Variants in ESRRG observed in about 807,000 individuals in gnomAD.
ESRRG encodes the protein estrogen-related receptor gamma.
ESRRG carries 13 observed loss-of-function variants against 44.0 expected under a neutral mutation model. That is an observed-to-expected ratio of 0.30 (90% CI 0.19 to 0.47). The LOEUF (loss-of-function observed/expected upper bound fraction) is 0.47. ESRRG is among the 20% of genes least tolerant of loss of function. ESRRG has a pLI of 1.00. For missense variants in ESRRG, 395 were observed against 580.6 expected (o/e 0.68, Z 3.29); for synonymous variants, 215 against 214.6 (o/e 1.00, Z -0.02).
chr1:216,954,596 T>C (rs192288085), intron 1 of ESRRG, among the ~76,000 whole-genome samples: 1 of 152,242 alleles, frequency 6.6e-6, no homozygotes, highest in African/African-American at 2.4e-5. Flanking sequence ...ATAAAATGAG[T>C]CAAAGATCAT....
chr1:216,733,644 T>C (rs777580059), intron 2 of ESRRG, among the ~76,000 whole-genome samples: 2 of 152,154 alleles, frequency 1.3e-5, no homozygotes, highest in Admixed American at 6.5e-5. Flanking sequence ...CTTGTAATAC[T>C]GGCTCTCATT....
At chr1:216,522,255 CTTTTTTTTTTTTTTT>C (rs71161437) in intron 5 of ESRRG, among the ~76,000 whole-genome samples, 2 of 29,262 alleles carry the variant, frequency 6.8e-5, no homozygotes, top group African/African-American at 3.0e-4. Flanking sequence ...AACAGCTCTC[CTTTTTTTTTTTTTTT>C]TTTTTTTTTT....
At chr1:217,106,222 T>C (rs78588626) in intron 1 of ESRRG, among the ~76,000 whole-genome samples, 2,548 of 152,276 alleles carry the variant, frequency 0.017, 76 homozygotes, top group African/African-American at 0.059. Context: ...TTGTAAGTAA[T>C]GGTAGTTAAA....
chr1:217,135,740 A>C (rs922184481), intron 1 of ESRRG, among the ~76,000 whole-genome samples: 1 of 152,206 alleles, frequency 6.6e-6, no homozygotes, highest in Non-Finnish European at 1.5e-5. Flanking sequence ...AATAAAACAA[A>C]ACAAATCACG....
At chr1:216,914,486 A>C (rs551597256) in intron 2 of ESRRG, among the ~76,000 whole-genome samples, 15 of 152,312 alleles carry the variant, frequency 9.8e-5, no homozygotes, top group African/African-American at 3.6e-4. Flanking sequence ...AACTCTCTAA[A>C]AATTTTCAGC....
chr1:216,796,938 CT>C (rs1339085565), intron 2 of ESRRG, among the ~76,000 whole-genome samples: 2 of 152,154 alleles, frequency 1.3e-5, no homozygotes, highest in Non-Finnish European at 2.9e-5. Flanking sequence ...GTTGCCCAGG[CT>C]GGAGTGCAGT....
At chr1:217,012,939 T>C (rs781253610) in intron 1 of ESRRG, among the ~76,000 whole-genome samples, 5 of 152,178 alleles carry the variant, frequency 3.3e-5, no homozygotes, top group Non-Finnish European at 7.4e-5. Context: ...TGGTTCCTTC[T>C]GAGGGTTGTG....
At chr1:216,693,041 T>G (rs1384983118) in intron 1 of ESRRG, among the ~76,000 whole-genome samples, 1 of 152,252 alleles carries the variant, frequency 6.6e-6, no homozygotes, top group Non-Finnish European at 1.5e-5. Flanking sequence ...TAAGTCCCCA[T>G]GCTAATCAGC....
chr1:217,034,080 C>G (rs1377758190), intron 1 of ESRRG, among the ~76,000 whole-genome samples: 1 of 152,098 alleles, frequency 6.6e-6, no homozygotes, highest in Non-Finnish European at 1.5e-5. Flanking sequence ...TTCTGAAGAG[C>G]CAGACAAGTT....
chr1:216,811,631 A>C (rs1356309529), intron 2 of ESRRG, among the ~76,000 whole-genome samples: 1 of 152,210 alleles, frequency 6.6e-6, no homozygotes, highest in Non-Finnish European at 1.5e-5. Flanking sequence ...TTTTACTATT[A>C]AGTCAGCAGA....
intron 1 of ESRRG, among the ~76,000 whole-genome samples, chr1:216,699,222 G>A (rs1178155811): frequency 6.6e-6 from 1 of 152,190 alleles, no homozygotes; most frequent in Non-Finnish European, 1.5e-5. Flanking sequence ...TTGTTACCTA[G>A]TAGTTTTATT....
intron 3 of ESRRG, among the ~76,000 whole-genome samples, chr1:216,572,722 A>C (rs2061030096): frequency 6.6e-6 from 1 of 152,026 alleles, no homozygotes; most frequent in South Asian, 2.1e-4. Context: ...TAATTGGGAT[A>C]CTACATTTCT....
intron 2 of ESRRG, among the ~76,000 whole-genome samples, chr1:216,905,113 C>T (rs956977): frequency 0.11 from 16,644 of 152,078 alleles, 1,110 homozygotes; most frequent in East Asian, 0.23. Flanking sequence ...ACTACAGGGA[C>T]GGAACTTCAA....
At chr1:216,789,738 T>G (rs994666384) in intron 2 of ESRRG, among the ~76,000 whole-genome samples, 1 of 152,160 alleles carries the variant, frequency 6.6e-6, no homozygotes, top group South Asian at 2.1e-4. Context: ...AACTTTTAGA[T>G]GCAGTATTCT....
At chr1:216,906,844 C>G (rs2059735292) in intron 2 of ESRRG, among the ~76,000 whole-genome samples, 1 of 152,088 alleles carries the variant, frequency 6.6e-6, no homozygotes, top group Non-Finnish European at 1.5e-5. Flanking sequence ...TATTTTTGTA[C>G]ATTTAGAGAT....
At chr1:216,740,617 A>G (rs548162852) in intron 2 of ESRRG, among the ~76,000 whole-genome samples, 1 of 151,708 alleles carries the variant, frequency 6.6e-6, no homozygotes, top group Non-Finnish European at 1.5e-5. Context: ...CTGCAAAGGA[A>G]CGTGCTTAAC....
At chr1:216,861,269 G>T (rs1223974612) in intron 2 of ESRRG, among the ~76,000 whole-genome samples, 1 of 151,764 alleles carries the variant, frequency 6.6e-6, no homozygotes, top group Admixed American at 6.6e-5. Flanking sequence ...AAATAAAAGT[G>T]GTTTAAATAT....
intron 2 of ESRRG, among the ~76,000 whole-genome samples, chr1:216,875,199 C>T (rs1004168980): frequency 3.3e-5 from 5 of 152,098 alleles, no homozygotes; most frequent in Non-Finnish European, 5.9e-5. Context: ...CTGAAAAAGA[C>T]AGTGTTTGGC....
intron 2 of ESRRG, among the ~76,000 whole-genome samples, chr1:216,743,540 T>G (rs2152245554): frequency 6.6e-6 from 1 of 152,342 alleles, no homozygotes; most frequent in East Asian, 1.9e-4. Flanking sequence ...GAAGGCAGTC[T>G]TAGACCCAGA....
Sources: gnomAD v4.1 joint callset for allele counts (sites outside exome capture counted in the v4.1 genomes callset) on GRCh38, gnomAD v4.1.1 for gene constraint, MANE v1.5 for transcripts, NCBI Gene and HGNC (gene_info 2026-07-23, HGNC 2026-07-21) for gene names.